The following UTP20 variants were observed in gnomAD, a reference collection of about 807,000 sequenced individuals.
The protein encoded by UTP20 is UTP20 small subunit processome component.
A neutral mutation model predicts 329.5 loss-of-function variants in UTP20; 164 were observed. The observed-to-expected ratio is 0.50, with a 90% CI of 0.44 to 0.57. The LOEUF (loss-of-function observed/expected upper bound fraction) is 0.57. Ranked by LOEUF, UTP20 falls within the 20% of genes least tolerant of loss-of-function variation. The probability of loss-of-function intolerance (pLI) is 0.00; values close to 1 mark genes in which losing one functional copy is unlikely to be tolerated. For synonymous variants in UTP20, 1,151 were observed against 1,159.3 expected (o/e 0.99, Z 0.14); for missense variants, 3,055 against 3,284.2 (o/e 0.93, Z 1.71).
At chr12:101,318,890 T>C (rs1473021618) in intron 22 of UTP20, among the ~76,000 whole-genome samples, 2 of 150,762 alleles carry the variant, frequency 1.3e-5, no homozygotes, top group Non-Finnish European at 2.9e-5. Flanking sequence ...GATGAAAGTT[T>C]GCCAGACAGC....
At chr12:101,324,516 C>A (rs113504759) in intron 25 of UTP20, among the ~76,000 whole-genome samples, 8 of 152,276 alleles carry the variant, frequency 5.3e-5, no homozygotes, top group African/African-American at 1.4e-4. Flanking sequence ...GCTGTCCCCC[C>A]ACCTTGGCTT....
At chr12:101,280,558 T>TTCACTA in intron 1 of UTP20, among the ~76,000 whole-genome samples, 1 of 152,212 alleles carries the variant, frequency 6.6e-6, no homozygotes, top group Non-Finnish European at 1.5e-5. Flanking sequence ...GTCCTGGGAA[T>TTCACTA]TTCCTGTAGT....
At chr12:101,359,170 T>C (rs916625202) in intron 43 of UTP20, among the ~76,000 whole-genome samples, 2 of 152,144 alleles carry the variant, frequency 1.3e-5, no homozygotes, top group Non-Finnish European at 2.9e-5. Context: ...TTCAAGCAGT[T>C]CTCATGCCTC....
chr12:101,280,895 T>G (rs1871775242), intron 1 of UTP20, among the ~76,000 whole-genome samples: 1 of 152,196 alleles, frequency 6.6e-6, no homozygotes, highest in African/African-American at 2.4e-5. Flanking sequence ...CAATGGAAAT[T>G]TTATTTGAAA....
At chr12:101,346,653 T>C in intron 38 of UTP20, 65 bp downstream of exon 38, 4 of 1,466,550 alleles carry the variant, frequency 2.7e-6, no homozygotes, top group Non-Finnish European at 3.6e-6. Context: ...TGCCAGAATA[T>C]ACATGGAGTT....
intron 25 of UTP20, among the ~76,000 whole-genome samples, chr12:101,323,581 T>G (rs537131554): frequency 3.9e-5 from 6 of 152,340 alleles, no homozygotes; most frequent in African/African-American, 9.6e-5. Flanking sequence ...GGTTTACTAG[T>G]GAAGATGAAT....
intron 56 of UTP20, among the ~76,000 whole-genome samples, chr12:101,376,645 T>TTTTTG (rs990729234): frequency 2.0e-5 from 3 of 152,246 alleles, no homozygotes; most frequent in South Asian, 2.1e-4. Context: ...AACCACTTTT[T>TTTTTG]TTTTGTTTTG....
Position 101,386,133 on chromosome 12 carries a change from G to A in UTP20, c.*10G>A. 6.3e-6 allele frequency: 10 copies of A among 1,595,916 alleles called. No individual in the cohort carries two copies. Among genetic ancestry groups the A allele is most frequent in the Non-Finnish European group, 6.8e-6 (8 of 1,175,904 alleles). On this transcript the variant is annotated 3_prime_UTR_variant, in exon 62 of 62. Coordinates refer to ENST00000261637, the MANE Select transcript of UTP20 (RefSeq NM_014503.3). The stretch of plus-strand genomic sequence containing the variant: ...AGCAATGGTGGAGTAATGTCTCCCT[G>A]TGCTGATACAAGCATGAACTTTCTG...
chr12:101,322,595 C>T (rs1326298006), intron 25 of UTP20, among the ~76,000 whole-genome samples: 2 of 152,128 alleles, frequency 1.3e-5, no homozygotes, highest in Non-Finnish European at 2.9e-5. Context: ...AACAGGTTTG[C>T]TTTTGGTCCA....
At chr12:101,344,222 A>G (rs922134881) in intron 35 of UTP20, among the ~76,000 whole-genome samples, 1 of 152,232 alleles carries the variant, frequency 6.6e-6, no homozygotes, top group Non-Finnish European at 1.5e-5. Context: ...ACATTCTTCA[A>G]ACCACAAACT....
rs532418381 is a variant in UTP20, at chr12:101,305,208, C to T, written c.1782-707C>T. Reference sequence around the variant, plus strand: ...GGTTTCATGGAGCCTTTCTCCATGACGCTCATCACTGTCATAGTACTTATT... The same window carrying T: ...GGTTTCATGGAGCCTTTCTCCATGATGCTCATCACTGTCATAGTACTTATT... On this transcript the variant is annotated intron_variant, in intron 15 of 61. Transcript: ENST00000261637. Among the ~76,000 whole-genome samples, 8 of 152,024 alleles carry T rather than the reference C, an allele frequency of 5.3e-5. No homozygotes were observed. In the South Asian group the frequency reaches 1.0e-3, roughly 20 times the overall value.
intron 21 of UTP20, among the ~76,000 whole-genome samples, chr12:101,315,965 T>A (rs1379990422): frequency 6.6e-6 from 1 of 152,214 alleles, no homozygotes; most frequent in Non-Finnish European, 1.5e-5. Flanking sequence ...ATTTAGAGAC[T>A]AAAGATACAC....
Position 101,352,187 on chromosome 12 carries a change from G to T in UTP20, c.5017G>T (p.Gly1673Cys). The T allele has an allele frequency of 6.2e-7, 1 of 1,602,164 alleles. No homozygotes were observed. The highest frequency in any genetic ancestry group is 8.5e-7 in the Non-Finnish European group (1 of 1,177,370). Residue 1673 changes from glycine (G) to cysteine (C), a missense_variant, in exon 39 of 62, where the codon GGT (glycine) becomes TGT (cysteine). Gly to Cys is a radical substitution (Grantham distance 159, BLOSUM62 -3). This residue lies in a region of UTP20 where 2,445 missense variants were observed against 2,575.5 expected (regional missense o/e 0.95). Coordinates refer to ENST00000261637, the MANE Select transcript of UTP20 (RefSeq NM_014503.3). The stretch of plus-strand genomic sequence containing the variant: ...AACGGGACAGATCAATCAAAAACTG[G>T]GTGTCAGGTGTGGTCAAACTTCTTA... Reference protein sequence around the residue: ...LQTGQINQKLGVSLLVIVLEA... With the variant: ...LQTGQINQKLCVSLLVIVLEA...
rs1872462613 is a variant in UTP20 at position 101,299,673 on chromosome 12, A to C, written c.1431-9A>C. 2 of 1,557,734 alleles carry C rather than the reference A, an allele frequency of 1.3e-6. No individual in the cohort carries two copies. Among genetic ancestry groups the C allele is most frequent in the East Asian group, 4.5e-5 (2 of 44,416 alleles). ...TCTGTTATTTTAAACATTTTTTTTA[A>C]TCCTTCAGATTCTATATAAAGCAGA... On this transcript the variant is annotated splice_polypyrimidine_tract_variant and intron_variant, in intron 12 of 61. Coordinates refer to ENST00000261637, the MANE Select transcript of UTP20 (RefSeq NM_014503.3).
Position 101,379,525 on chromosome 12 carries a change from A to G in UTP20, c.7551A>G (p.Ala2517=). 8 of 1,613,720 alleles carry G rather than the reference A, an allele frequency of 5.0e-6. No homozygotes were observed. Among genetic ancestry groups the G allele is most frequent in the Non-Finnish European group, 6.8e-6 (8 of 1,179,770 alleles). ...AAAAACACCTCCCAGAACCTGTAGCAATCAAGTTCCTAGCCAGTGACCTTG... is the reference window on the plus strand; with the variant it reads ...AAAAACACCTCCCAGAACCTGTAGCGATCAAGTTCCTAGCCAGTGACCTTG... ...KTKKHLPEPV[A]IKFLASDLDQ... The change falls in exon 57 of 62, where the codon GCA becomes GCG. Residue 2517 remains alanine, a synonymous_variant. Transcript: ENST00000261637.
At chr12:101,282,556 A>G (rs1220207450) in intron 2 of UTP20, among the ~76,000 whole-genome samples, 2 of 152,122 alleles carry the variant, frequency 1.3e-5, no homozygotes, top group Admixed American at 6.5e-5. Flanking sequence ...AAAGGACTTC[A>G]TATGTGAAGC....
chr12:101,286,379 T>G lies in UTP20; in HGVS notation c.385T>G (p.Phe129Val). ...GGATTTCTACCCACACTTTCCAGAG[T>G]TTTTTTTGACTATCACCTCGATCCT... The part of the protein sequence containing the change: ...QMDFYPHFPE[F>V]FLTITSILET... The change falls in exon 5 of 62, where the codon TTT becomes GTT. Residue 129 changes from phenylalanine (F) to valine (V), a missense_variant. Physicochemically the swap from Phe to Val is conservative, Grantham distance 50. Coordinates refer to ENST00000261637, the MANE Select transcript of UTP20 (RefSeq NM_014503.3). 2 of 1,607,052 alleles carry G rather than the reference T, an allele frequency of 1.2e-6. No homozygotes were observed. Among genetic ancestry groups the G allele is most frequent in the Non-Finnish European group, 1.7e-6 (2 of 1,176,148 alleles).
In UTP20 at chr12:101,286,400, A is replaced by G; in HGVS notation, c.406A>G (p.Ile136Val). The G allele has an allele frequency of 6.2e-7, 1 of 1,613,890 alleles. No individual in the cohort carries two copies. Among genetic ancestry groups the G allele is most frequent in the Non-Finnish European group, 8.5e-7 (1 of 1,179,950 alleles). ...FPEFFLTITSILETQDTELLE... is the reference protein window; with the variant it reads ...FPEFFLTITSVLETQDTELLE... ...AGAGTTTTTTTTGACTATCACCTCG[A>G]TCCTGGAGACTCAGGACACAGAGTT... Residue 136 changes from isoleucine (I) to valine (V), a missense_variant, in exon 5 of 62, where the codon ATC becomes GTC. Coordinates refer to ENST00000261637, the MANE Select transcript of UTP20 (RefSeq NM_014503.3).
chr12:101,292,857 T>G (rs1288620328), intron 10 of UTP20, among the ~76,000 whole-genome samples: 1 of 152,234 alleles, frequency 6.6e-6, no homozygotes, highest in East Asian at 1.9e-4. Context: ...GGATTGGAAA[T>G]AGAAAGGTTG....
Sources: allele counts gnomAD v4.1 joint callset (sites outside exome capture counted in the v4.1 genomes callset), GRCh38; gene constraint gnomAD v4.1.1; regional missense constraint gnomAD v4.1.1; transcripts MANE v1.5; gene names NCBI Gene and HGNC (gene_info 2026-07-23, HGNC 2026-07-21).